The following PLPPR1 variants were observed in gnomAD, a reference collection of about 807,000 sequenced individuals.
The protein encoded by PLPPR1 is phospholipid phosphatase related 1, also known as phospholipid phosphatase-related protein type 1.
Under a neutral mutation model 33.1 loss-of-function variants are expected in PLPPR1, and 10 were observed. That is an observed-to-expected ratio of 0.30 (90% CI 0.19 to 0.51). The LOEUF is 0.51. Among genes scored for constraint, PLPPR1 ranks in the 20% least tolerant of loss-of-function variants. The pLI is 0.97. For missense variants in PLPPR1, 304 were observed against 408.1 expected, an observed-to-expected ratio of 0.74 and a Z score of 2.20; for synonymous variants, 151 against 151.0, an observed-to-expected ratio of 1.00 and a Z score of 0.00.
At chr9:101,039,692 A>G (rs1196964500) in intron 1 of PLPPR1, among the ~76,000 whole-genome samples, 2 of 152,138 alleles carry the variant, frequency 1.3e-5, no homozygotes, top group Non-Finnish European at 2.9e-5. Flanking sequence ...AGCAAGTCAC[A>G]TCTTACGTGG....
At chr9:101,273,773 A>C (rs1828140097) in intron 3 of PLPPR1, among the ~76,000 whole-genome samples, 1 of 152,196 alleles carries the variant, frequency 6.6e-6, no homozygotes. Flanking sequence ...TTCTACATGA[A>C]TGTATATTGG....
At position 101,102,151 on chromosome 9, in the gene PLPPR1, TTTTA is replaced by T. The variant is rs1430803207; in HGVS notation, c.-46+73052_-46+73055del. Among the ~76,000 whole-genome samples, 1,611 of 73,538 alleles carry T rather than the reference TTTTA, an allele frequency of 0.022. 77 individuals carry two copies. The East Asian group carries it at 0.34, about 15-fold the overall frequency. 48.2% of individuals were successfully genotyped at this position (73,538 alleles called of 152,430 possible). On this transcript the variant is annotated intron_variant, in intron 1 of 7. Coordinates refer to ENST00000374874, the MANE Select transcript of PLPPR1 (RefSeq NM_207299.2). ...TATAGCTTTATTCTTTTTTTTTTTA[TTTTA>T]TTATTATACTTTAAGTTTTAGGGTA...
intron 7 of PLPPR1, among the ~76,000 whole-genome samples, chr9:101,323,680 A>C (rs1227386511): frequency 6.6e-6 from 1 of 151,960 alleles, no homozygotes; most frequent in Non-Finnish European, 1.5e-5. Context: ...TCTCTACTAA[A>C]ACTACAAAAT....
intron 7 of PLPPR1, among the ~76,000 whole-genome samples, chr9:101,323,432 C>T (rs1420502753): frequency 6.9e-6 from 1 of 145,864 alleles, no homozygotes; most frequent in Middle Eastern, 3.4e-3. Flanking sequence ...CAGATCAAGG[C>T]TGTACTCCAG....
At position 101,252,296 on chromosome 9, in the gene PLPPR1, G is replaced by A. The variant is rs144690108; in HGVS notation, c.64-17584G>A. Reference sequence around the variant, plus strand: ...AAATGCACAGTGTTACTCCCACAATGTGAAACACCTGTCAAGCTAGATGAA... The same window carrying A: ...AAATGCACAGTGTTACTCCCACAATATGAAACACCTGTCAAGCTAGATGAA... On this transcript the variant is annotated intron_variant, in intron 2 of 7. Coordinates refer to ENST00000374874, the MANE Select transcript of PLPPR1 (RefSeq NM_207299.2). 2.8e-4 allele frequency among the ~76,000 whole-genome samples: 42 copies of A among 152,248 alleles called. No homozygotes were observed. The East Asian group carries it at 7.9e-3, about 29-fold the overall frequency.
intron 1 of PLPPR1, among the ~76,000 whole-genome samples, chr9:101,143,530 C>T (rs1484847123): frequency 6.6e-6 from 1 of 152,104 alleles, no homozygotes; most frequent in East Asian, 1.9e-4. Flanking sequence ...ATCTACCCAT[C>T]TGACAAAGGG....
At chr9:101,196,864 CAA>C (rs71498762) in intron 2 of PLPPR1, among the ~76,000 whole-genome samples, 6 of 125,924 alleles carry the variant, frequency 4.8e-5, no homozygotes, top group Non-Finnish European at 8.5e-5. Context: ...GACTCTGTCT[CAA>C]AAAAAAAAAA....
At chr9:101,230,806 C>T (rs999444741) in intron 2 of PLPPR1, among the ~76,000 whole-genome samples, 1 of 148,144 alleles carries the variant, frequency 6.8e-6, no homozygotes, top group Non-Finnish European at 1.5e-5. Flanking sequence ...ATTAAAACAT[C>T]AGACTTTTAG....
intron 2 of PLPPR1, among the ~76,000 whole-genome samples, chr9:101,267,650 A>G (rs1046102410): frequency 3.2e-4 from 49 of 152,212 alleles, no homozygotes; most frequent in African/African-American, 1.0e-3. Context: ...GAATAAAAGG[A>G]AAGGTAGCAA....
At chr9:101,030,063 C>A (rs1410259025) in intron 1 of PLPPR1, among the ~76,000 whole-genome samples, 2 of 151,946 alleles carry the variant, frequency 1.3e-5, no homozygotes, top group African/African-American at 4.8e-5. Flanking sequence ...GGTGGACAGG[C>A]ACGGTTCTGA....
chr9:101,152,171 T>A (rs1831597564), intron 1 of PLPPR1, among the ~76,000 whole-genome samples: 1 of 152,348 alleles, frequency 6.6e-6, no homozygotes, highest in South Asian at 2.1e-4. Flanking sequence ...TTTTTTCATG[T>A]GTCTGTTGGC....
At chr9:101,184,120 T>C (rs1301029665) in intron 1 of PLPPR1, among the ~76,000 whole-genome samples, 2 of 151,778 alleles carry the variant, frequency 1.3e-5, no homozygotes, top group East Asian at 1.9e-4. Flanking sequence ...TCCTTTCTTA[T>C]TGTAGAAAAT....
intron 1 of PLPPR1, among the ~76,000 whole-genome samples, chr9:101,173,726 A>G (rs2118694567): frequency 6.6e-6 from 1 of 152,290 alleles, no homozygotes; most frequent in Middle Eastern, 3.4e-3. Flanking sequence ...GTAGTTCTCC[A>G]TCAGGGGAAG....
chr9:101,317,592 A>G, intron 7 of PLPPR1, 96 bp downstream of exon 7: 1 of 1,216,018 alleles, frequency 8.2e-7, no homozygotes, highest in Non-Finnish European at 1.1e-6. Context: ...ACCCAGCATC[A>G]ATGAGAATCT....
intron 2 of PLPPR1, among the ~76,000 whole-genome samples, chr9:101,231,173 A>G (rs972681375): frequency 5.3e-5 from 8 of 151,984 alleles, no homozygotes; most frequent in African/African-American, 1.9e-4. Context: ...TTCTTCAGGA[A>G]AACTTTCACT....
chr9:101,127,401 G>T (rs1403506431), intron 1 of PLPPR1, among the ~76,000 whole-genome samples: 1 of 152,220 alleles, frequency 6.6e-6, no homozygotes, highest in Non-Finnish European at 1.5e-5. Context: ...TGCAGAGGCT[G>T]TGAAGGCCCT....
At chr9:101,040,654 G>T (rs906283437) in intron 1 of PLPPR1, among the ~76,000 whole-genome samples, 6 of 152,060 alleles carry the variant, frequency 3.9e-5, no homozygotes, top group Non-Finnish European at 4.4e-5. Flanking sequence ...CATCAGACAG[G>T]CCTTCCCTCA....
chr9:101,248,115 C>T (rs1827647906), intron 2 of PLPPR1, among the ~76,000 whole-genome samples: 1 of 152,008 alleles, frequency 6.6e-6, no homozygotes. Flanking sequence ...TCCCTGACTA[C>T]TCACCCTAGT....
intron 2 of PLPPR1, among the ~76,000 whole-genome samples, chr9:101,196,209 A>C (rs1004522560): frequency 6.6e-6 from 1 of 152,068 alleles, no homozygotes; most frequent in African/African-American, 2.4e-5. Flanking sequence ...AAGCTAATGC[A>C]GTGCTATAAT....
Sources: gnomAD v4.1 joint callset for allele counts (sites outside exome capture counted in the v4.1 genomes callset) on GRCh38, gnomAD v4.1.1 for gene constraint, MANE v1.5 for transcripts, NCBI Gene and HGNC (gene_info 2026-07-23, HGNC 2026-07-21) for gene names.